The following LRCH2 variants were observed in gnomAD, a reference collection of about 807,000 sequenced individuals.
LRCH2 encodes the protein leucine rich repeats and calponin homology domain containing 2.
In LRCH2, 38 loss-of-function variants were observed where a neutral mutation model predicts 68.9. That is an observed-to-expected ratio of 0.55 (90% CI 0.43 to 0.72). The LOEUF (loss-of-function observed/expected upper bound fraction) is 0.72, where lower values mean the gene tolerates loss of function less well. LRCH2 is among the 30% of genes least tolerant of loss of function. The pLI, the probability that LRCH2 is intolerant of heterozygous loss-of-function variation, is 0.00. For missense variants in LRCH2, 528 were observed against 572.9 expected, an observed-to-expected ratio of 0.92 and a Z score of 0.80; for synonymous variants, 191 against 208.1, an observed-to-expected ratio of 0.92 and a Z score of 0.71.
At chrX:115,137,778 T>G (rs2843483) in intron 14 of LRCH2, among the ~76,000 whole-genome samples, 35,695 of 109,408 alleles carry the variant, frequency 0.33, 5,053 homozygotes, top group African/African-American at 0.54. Flanking sequence ...GTGAAACCCC[T>G]TCTCTACTAA....
At chrX:115,179,331 G>T in intron 5 of LRCH2, 96 bp downstream of exon 5, 1 of 724,487 alleles carries the variant, frequency 1.4e-6, no homozygotes, top group Non-Finnish European at 1.9e-6. Context: ...ACAACAAATT[G>T]GCTCTTGATT....
At chrX:115,205,681 G>GT (rs782632407) in intron 1 of LRCH2, among the ~76,000 whole-genome samples, 1 of 112,092 alleles carries the variant, frequency 8.9e-6, no homozygotes, top group East Asian at 2.8e-4. Context: ...GCTCACGCCT[G>GT]TAATCCCAGC....
intron 11 of LRCH2, among the ~76,000 whole-genome samples, chrX:115,159,668 G>A (rs782779248): frequency 2.3e-4 from 25 of 107,287 alleles, no homozygotes; most frequent in Middle Eastern, 4.9e-3. Context: ...GGAGAATGGC[G>A]TGAACCCAGG....
At chrX:115,149,574 G>A (rs2072415537) in intron 14 of LRCH2, among the ~76,000 whole-genome samples, 1 of 111,614 alleles carries the variant, frequency 9.0e-6, no homozygotes, top group Non-Finnish European at 1.9e-5. Context: ...ACAACTAGCA[G>A]TGCAGCAAAC....
chrX:115,166,206 C>T (rs1279460427), intron 7 of LRCH2, 49 bp downstream of exon 7: 2 of 924,152 alleles, frequency 2.2e-6, no homozygotes, highest in Non-Finnish European at 3.1e-6. Flanking sequence ...TATTTCAATG[C>T]TCTAATAAAA....
chrX:115,184,437 C>T lies in LRCH2; in HGVS notation c.595G>A (p.Gly199Arg), dbSNP rs1556553684. The stretch of plus-strand genomic sequence containing the variant: ...AATTCCATTAAATCTTTTAACTTCC[C>T]AATTTCTTCTGGAATGGATACCAGT... Reference protein sequence around the residue: ...NKLVSIPEEIGKLKDLMELDI... With the variant: ...NKLVSIPEEIRKLKDLMELDI... The change falls in exon 3 of 21, where the codon GGG becomes AGG. Residue 199 changes from glycine (G) to arginine (R), a missense_variant. By Grantham distance (125) the Gly-to-Arg change is moderately radical (BLOSUM62 -2). Coordinates refer to ENST00000317135, the MANE Select transcript of LRCH2 (RefSeq NM_020871.4). 3 of 1,177,816 alleles carry T rather than the reference C, an allele frequency of 2.5e-6. No homozygotes were observed. The East Asian group carries it at 9.1e-5, about 36-fold the overall frequency.
chrX:115,118,610 T>A (rs2072105821), intron 20 of LRCH2, among the ~76,000 whole-genome samples: 1 of 110,622 alleles, frequency 9.0e-6, no homozygotes, highest in South Asian at 3.8e-4. Context: ...CTGGTACCAT[T>A]CCTTCTGAAA....
At chrX:115,192,471 C>G (rs782151608) in intron 1 of LRCH2, 66 of 1,169,860 alleles carry the variant, frequency 5.6e-5, no homozygotes, top group Non-Finnish European at 7.0e-5. Context: ...GGAGCGACCG[C>G]TACTCGAGGG....
intron 1 of LRCH2, among the ~76,000 whole-genome samples, chrX:115,202,904 G>T (rs782592716): frequency 9.0e-6 from 1 of 111,673 alleles, no homozygotes; most frequent in East Asian, 2.8e-4. Context: ...TTCTGGGAAG[G>T]GTAAAACTAT....
chrX:115,126,801 T>C (rs1449920733), intron 16 of LRCH2, 42 bp downstream of exon 16: 5 of 1,022,994 alleles, frequency 4.9e-6, no homozygotes, highest in Non-Finnish European at 6.4e-6. Flanking sequence ...ACAGAAAACA[T>C]ACAAAACGTA....
chrX:115,149,101 A>G (rs2072411885), intron 14 of LRCH2, among the ~76,000 whole-genome samples: 1 of 111,753 alleles, frequency 8.9e-6, no homozygotes, highest in African/African-American at 3.2e-5. Flanking sequence ...GTGTACAAAG[A>G]CAACAAAATT....
chrX:115,160,088 C>T (rs907683835), intron 11 of LRCH2, among the ~76,000 whole-genome samples: 15 of 110,949 alleles, frequency 1.4e-4, no homozygotes, highest in African/African-American at 2.9e-4. Flanking sequence ...GAGGCTGAGG[C>T]GGGCAGATCA....
In LRCH2 at chrX:115,225,964, A is replaced by G. The variant is rs144284731; in HGVS notation, c.349+7729T>C. 7.6e-3 allele frequency among the ~76,000 whole-genome samples: 851 copies of G among 112,267 alleles called. 3 individuals are homozygous for G. Among genetic ancestry groups the G allele is most frequent in the Non-Finnish European group, 0.012 (614 of 53,232 alleles). Reference sequence around the variant, plus strand: ...ACTGTTTTGGAGGGCACATAGATTCATAGGATCTCCTATACATGTCAATGG... The same window carrying G: ...ACTGTTTTGGAGGGCACATAGATTCGTAGGATCTCCTATACATGTCAATGG... On this transcript the variant is annotated intron_variant, in intron 1 of 20. Transcript: ENST00000317135.
At chrX:115,189,750 T>C (rs2072767656) in intron 1 of LRCH2, 1 of 1,165,326 alleles carries the variant, frequency 8.6e-7, no homozygotes, top group Non-Finnish European at 1.1e-6. Context: ...GCAGCGGCAG[T>C]CGCTCAAGGT....
At chrX:115,131,302 G>A (rs782472122) in intron 14 of LRCH2, among the ~76,000 whole-genome samples, 70 of 97,862 alleles carry the variant, frequency 7.2e-4, no homozygotes, top group Middle Eastern at 6.2e-3. Context: ...TCCCCACCCT[G>A]TGTCCAAGTG....
intron 12 of LRCH2, among the ~76,000 whole-genome samples, chrX:115,155,601 A>C (rs1364736857): frequency 8.9e-6 from 1 of 112,333 alleles, no homozygotes; most frequent in Non-Finnish European, 1.9e-5. Context: ...GAAAGTTCAC[A>C]ATAGTAATAA....
intron 14 of LRCH2, among the ~76,000 whole-genome samples, chrX:115,135,020 G>A (rs1404873120): frequency 1.8e-5 from 2 of 111,380 alleles, no homozygotes; most frequent in African/African-American, 6.5e-5. Context: ...CGTCATGGAC[G>A]ATTTTGAAGG....
chrX:115,190,159 C>A (rs782610346), intron 1 of LRCH2: 1 of 1,165,112 alleles, frequency 8.6e-7, no homozygotes, highest in Non-Finnish European at 1.1e-6. Context: ...CCCGCGGGTC[C>A]GGGAGCCACT....
chrX:115,200,063 T>C (rs1473492445), intron 1 of LRCH2, among the ~76,000 whole-genome samples: 1 of 111,572 alleles, frequency 9.0e-6, no homozygotes, highest in African/African-American at 3.3e-5. Context: ...AAGAAATTAA[T>C]ACAAAAGATT....
Sources: gnomAD v4.1 joint callset for allele counts (sites outside exome capture counted in the v4.1 genomes callset) on GRCh38, gnomAD v4.1.1 for gene constraint, MANE v1.5 for transcripts, NCBI Gene and HGNC (gene_info 2026-07-23, HGNC 2026-07-21) for gene names.